SYNPR: variants seen among roughly 807,000 people sequenced by gnomAD.
SYNPR encodes the protein synaptoporin.
In SYNPR, 23 loss-of-function variants were observed where a neutral mutation model predicts 32.9. That is an observed-to-expected ratio of 0.70 (90% CI 0.50 to 0.99). The LOEUF (loss-of-function observed/expected upper bound fraction) is 0.99. SYNPR is among the 50% of genes least tolerant of loss of function. The pLI is 0.00. For missense variants in SYNPR, 318 were observed against 349.3 expected, an observed-to-expected ratio of 0.91 and a Z score of 0.71; for synonymous variants, 146 against 135.9, an observed-to-expected ratio of 1.07 and a Z score of -0.52.
At chr3:63,522,825 A>G (rs1701940956) in intron 3 of SYNPR, among the ~76,000 whole-genome samples, 1 of 152,166 alleles carries the variant, frequency 6.6e-6, no homozygotes, top group African/African-American at 2.4e-5. Flanking sequence ...GAGCGGAGGC[A>G]GAGAAGATCA....
intron 2 of SYNPR, among the ~76,000 whole-genome samples, chr3:63,405,327 G>T (rs2088344666): frequency 6.6e-6 from 1 of 152,138 alleles, no homozygotes; most frequent in South Asian, 2.1e-4. Flanking sequence ...CACAACACAG[G>T]TTAAGGAAAC....
intron 2 of SYNPR, among the ~76,000 whole-genome samples, chr3:63,373,510 C>A (rs576497457): frequency 3.3e-5 from 5 of 151,920 alleles, no homozygotes; most frequent in Non-Finnish European, 4.4e-5. Flanking sequence ...TCCAGACTAA[C>A]TCAGTCAGAG....
At chr3:63,500,362 T>C (rs994889739) in intron 3 of SYNPR, among the ~76,000 whole-genome samples, 4 of 152,128 alleles carry the variant, frequency 2.6e-5, no homozygotes, top group African/African-American at 9.7e-5. Flanking sequence ...AATCCAGGGT[T>C]ACGAGATCTG....
At chr3:63,333,618 A>G (rs2087253774) in intron 2 of SYNPR, among the ~76,000 whole-genome samples, 1 of 151,846 alleles carries the variant, frequency 6.6e-6, no homozygotes, top group African/African-American at 2.4e-5. Context: ...GAGTCTTCCT[A>G]TGTTGCCCAG....
At chr3:63,308,199 C>G (rs1342684392) in intron 2 of SYNPR, among the ~76,000 whole-genome samples, 1 of 151,922 alleles carries the variant, frequency 6.6e-6, no homozygotes, top group Non-Finnish European at 1.5e-5. Flanking sequence ...TTATTGTGGG[C>G]TCATTTATTG....
intron 2 of SYNPR, among the ~76,000 whole-genome samples, chr3:63,315,482 A>G (rs1286288695): frequency 6.6e-6 from 1 of 151,634 alleles, no homozygotes; most frequent in East Asian, 1.9e-4. Context: ...TAAGTATTTT[A>G]TTTTATTTTT....
intron 2 of SYNPR, among the ~76,000 whole-genome samples, chr3:63,308,152 A>G (rs1560186716): frequency 6.6e-6 from 1 of 151,976 alleles, no homozygotes; most frequent in Non-Finnish European, 1.5e-5. Flanking sequence ...AAACTTAACT[A>G]TTTTTTGTTT....
At chr3:63,387,370 A>G (rs947221699) in intron 2 of SYNPR, among the ~76,000 whole-genome samples, 1 of 152,202 alleles carries the variant, frequency 6.6e-6, no homozygotes, top group Non-Finnish European at 1.5e-5. Flanking sequence ...AATGGACCTC[A>G]TATCTCTTAA....
chr3:63,224,236 T>C (rs546742888), upstream of SYNPR, among the ~76,000 whole-genome samples: 2 of 152,270 alleles, frequency 1.3e-5, no homozygotes, highest in African/African-American at 4.8e-5. Context: ...TAGATTCTCA[T>C]AGGATTGCGG....
At chr3:63,585,510 T>C (rs545607167) in intron 4 of SYNPR, among the ~76,000 whole-genome samples, 4 of 151,852 alleles carry the variant, frequency 2.6e-5, no homozygotes, top group African/African-American at 9.7e-5. Context: ...CACAACATTT[T>C]GGGGGGTTGC....
Position 63,355,961 on chromosome 3 carries a change from A to T in SYNPR, c.84+77219A>T, listed in dbSNP as rs1427051615. On this transcript the variant is annotated intron_variant, in intron 2 of 5. Coordinates refer to ENST00000478300, the MANE Select transcript of SYNPR (RefSeq NM_001130003.2). ...ATCTGCTTCAGAGTCTTTAGTGCAG[A>T]TATGATGTGGTTTCTCTGCCTGTGA... Among the ~76,000 whole-genome samples the T allele has an allele frequency of 4.6e-5, 7 of 152,300 alleles. No individual in the cohort carries two copies. The East Asian group carries it at 1.4e-3, about 29-fold the overall frequency.
At chr3:63,359,116 G>A (rs562740568) in intron 2 of SYNPR, among the ~76,000 whole-genome samples, 1 of 152,014 alleles carries the variant, frequency 6.6e-6, no homozygotes, top group Non-Finnish European at 1.5e-5. Flanking sequence ...AACTTCTACT[G>A]AGTACCAGAA....
Position 63,333,515 on chromosome 3 carries a change from C to G in SYNPR, c.84+54773C>G, listed in dbSNP as rs542512100. On this transcript the variant is annotated intron_variant, in intron 2 of 5. Coordinates refer to ENST00000478300, the MANE Select transcript of SYNPR (RefSeq NM_001130003.2). ...CACCGCACCCTCAACCTCCTGAGCT[C>G]AAGTGATCCTCCCATCTCAACCTCT... is the stretch of plus-strand genomic sequence containing the variant. Among the ~76,000 whole-genome samples, 15 of 152,268 alleles carry G rather than the reference C, an allele frequency of 9.9e-5. No individual in the cohort carries two copies. The South Asian group carries it at 1.5e-3, about 15-fold the overall frequency.
chr3:63,603,022 A>T (rs1700067098), intron 4 of SYNPR, among the ~76,000 whole-genome samples: 1 of 152,084 alleles, frequency 6.6e-6, no homozygotes, highest in Admixed American at 6.6e-5. Flanking sequence ...GATTTATTTC[A>T]GCAGTGTTTT....
chr3:63,457,982 A>T (rs1700515787), intron 2 of SYNPR, among the ~76,000 whole-genome samples: 1 of 152,108 alleles, frequency 6.6e-6, no homozygotes, highest in African/African-American at 2.4e-5. Flanking sequence ...TTTTGAATTA[A>T]TCTCTTTCCC....
rs577370114 is a variant in SYNPR at position 63,260,566 on chromosome 3, T to C, written n.155-6751T>C. Among the ~76,000 whole-genome samples the C allele has an allele frequency of 2.5e-3, 376 of 152,246 alleles. 5 individuals are homozygous for C. Among genetic ancestry groups the C allele is most frequent in the African/African-American group, 8.5e-3 (351 of 41,512 alleles). ...CCTTCCTTACACCTTATACAAAAAGTAATTCAAGATGGATTAAAGACTTAA... is the reference window on the plus strand; with the variant it reads ...CCTTCCTTACACCTTATACAAAAAGCAATTCAAGATGGATTAAAGACTTAA... On this transcript the variant is annotated intron_variant and non_coding_transcript_variant, in intron 2 of 4. Transcript: ENST00000478456.
chr3:63,264,931 G>GGC (rs10663075), intron 2 of SYNPR, among the ~76,000 whole-genome samples: 9 of 151,198 alleles, frequency 6.0e-5, no homozygotes, highest in Non-Finnish European at 1.0e-4. Flanking sequence ...AATCATGGGG[G>GGC]AGCCATGATT....
chr3:63,355,702 T>TG (rs1242271939), intron 2 of SYNPR, among the ~76,000 whole-genome samples: 2 of 146,700 alleles, frequency 1.4e-5, no homozygotes. Context: ...TTCAGTACTC[T>TG]GGCCCCCCCA....
chr3:63,256,057 A>C (rs1208868495), intron 2 of SYNPR, among the ~76,000 whole-genome samples: 4 of 152,210 alleles, frequency 2.6e-5, no homozygotes, highest in African/African-American at 9.6e-5. Context: ...TGAGTAGGTA[A>C]ACAAAGCAGC....
Sources: allele counts gnomAD v4.1 joint callset (sites outside exome capture counted in the v4.1 genomes callset), GRCh38; gene constraint gnomAD v4.1.1; transcripts MANE v1.5; gene names NCBI Gene and HGNC (gene_info 2026-07-23, HGNC 2026-07-21).